Variants in KLHL4 observed in about 807,000 individuals in gnomAD.
KLHL4 encodes the protein kelch-like protein 4.
In KLHL4, 17 loss-of-function variants were observed where a neutral mutation model predicts 45.8. The observed-to-expected ratio is 0.37, with a 90% CI of 0.25 to 0.56. The LOEUF (loss-of-function observed/expected upper bound fraction) is 0.56, where lower values mean the gene tolerates loss of function less well. Ranked by LOEUF, KLHL4 falls within the 20% of genes least tolerant of loss-of-function variation. The pLI is 0.79. For missense variants in KLHL4, 544 were observed against 544.9 expected (o/e 1.00, Z 0.02); for synonymous variants, 224 against 189.9 (o/e 1.18, Z -1.47).
rs1052699828 is a variant in KLHL4, at chrX:87,669,098, C to G, written c.*2564C>G. 1.1e-6 allele frequency: 1 copy of G among 944,243 alleles called. No individual in the cohort carries two copies. The highest frequency in any genetic ancestry group is 2.0e-5 in the African/African-American group (1 of 49,327). 77.8% of individuals were successfully genotyped at this position (944,243 alleles called of 1,213,427 possible). On this transcript the variant is annotated 3_prime_UTR_variant, in exon 11 of 11. Transcript: ENST00000373119. ...TTCTGACATGCTTTAGCAGAGATAA[C>G]TTATCAGGGCTAGTTTAAACAAATG...
chrX:87,637,954 T>G (rs1268061869), intron 9 of KLHL4, among the ~76,000 whole-genome samples: 1 of 110,210 alleles, frequency 9.1e-6, no homozygotes, highest in Non-Finnish European at 1.9e-5. Flanking sequence ...ATTGAAAAAA[T>G]AAATAAATAA....
rs1229650015 is a variant in KLHL4 at position 87,609,027 on chromosome X, C to A, written c.423-4850C>A. Among the ~76,000 whole-genome samples the A allele has an allele frequency of 3.6e-5, 4 of 110,921 alleles. No homozygotes were observed. In the Admixed American group the frequency reaches 3.9e-4, roughly 11 times the overall value. On this transcript the variant is annotated intron_variant, in intron 1 of 10. Transcript: ENST00000373119. Reference sequence around the variant, plus strand: ...AACATGTGGTGTATGGTTTTTTGTCCTTGCAACAGTTTGCTGAGAATGATG... The same window carrying A: ...AACATGTGGTGTATGGTTTTTTGTCATTGCAACAGTTTGCTGAGAATGATG...
intron 1 of KLHL4, among the ~76,000 whole-genome samples, chrX:87,533,520 C>G (rs1410407800): frequency 1.1e-5 from 1 of 94,667 alleles, no homozygotes; most frequent in Non-Finnish European, 2.0e-5. Flanking sequence ...CACATGGTCA[C>G]AGGAAGGGGA....
intron 1 of KLHL4, among the ~76,000 whole-genome samples, chrX:87,555,003 T>G (rs1381727412): frequency 1.9e-5 from 2 of 105,070 alleles, no homozygotes; most frequent in Non-Finnish European, 3.9e-5. Context: ...TGGTTCTGTT[T>G]ATATGCTGGA....
intron 1 of KLHL4, among the ~76,000 whole-genome samples, chrX:87,588,519 A>C (rs913885894): frequency 2.7e-5 from 3 of 111,457 alleles, no homozygotes; most frequent in African/African-American, 9.8e-5. Context: ...CATTTTAGAC[A>C]AAGATGCCAC....
rs1924378611 is a variant in KLHL4, at chrX:87,666,630, T to C, written c.*96T>C. On this transcript the variant is annotated 3_prime_UTR_variant, in exon 11 of 11. Coordinates refer to ENST00000373119, the MANE Select transcript of KLHL4 (RefSeq NM_019117.5). ...GAAATACATGTTCTTTTTCCTGCAATTAATAATCAGACTGGAAAATTGTTG... is the reference window on the plus strand; with the variant it reads ...GAAATACATGTTCTTTTTCCTGCAACTAATAATCAGACTGGAAAATTGTTG... 9.9e-7 allele frequency: 1 copy of C among 1,012,072 alleles called. No homozygotes were observed. Among genetic ancestry groups the C allele is most frequent in the Non-Finnish European group, 1.3e-6 (1 of 789,321 alleles). The allele number at this position is 1,012,072 out of a possible 1,213,427, so 83.4% of individuals were successfully genotyped here.
intron 1 of KLHL4, among the ~76,000 whole-genome samples, chrX:87,523,586 T>C (rs1037619752): frequency 2.7e-5 from 3 of 111,609 alleles, no homozygotes; most frequent in African/African-American, 9.8e-5. Flanking sequence ...ACAATTTCAA[T>C]AGCAAAAGGA....
intron 1 of KLHL4, among the ~76,000 whole-genome samples, chrX:87,539,387 GTCT>G (rs1169805434): frequency 1.8e-5 from 2 of 109,913 alleles, no homozygotes; most frequent in African/African-American, 6.6e-5. Flanking sequence ...TTCCTTTAAT[GTCT>G]TCTTCTTATC....
At chrX:87,536,865 A>G (rs1193428278) in intron 1 of KLHL4, among the ~76,000 whole-genome samples, 1 of 111,641 alleles carries the variant, frequency 9.0e-6, no homozygotes, top group African/African-American at 3.2e-5. Flanking sequence ...TTAAGAAAGA[A>G]CTGTATAGGT....
intron 1 of KLHL4, among the ~76,000 whole-genome samples, chrX:87,582,238 G>C (rs1921304925): frequency 9.0e-6 from 1 of 111,469 alleles, no homozygotes; most frequent in African/African-American, 3.3e-5. Flanking sequence ...AATTAGGTGA[G>C]CACTCATGGT....
intron 1 of KLHL4, among the ~76,000 whole-genome samples, chrX:87,522,805 G>A (rs1931028461): frequency 8.9e-6 from 1 of 112,120 alleles, no homozygotes; most frequent in Non-Finnish European, 1.9e-5. Flanking sequence ...TTTTAGAGAT[G>A]AAAGCTTTGC....
At chrX:87,555,075 A>T (rs1185818190) in intron 1 of KLHL4, among the ~76,000 whole-genome samples, 3 of 97,199 alleles carry the variant, frequency 3.1e-5, no homozygotes, top group Non-Finnish European at 6.1e-5. Flanking sequence ...AGCCCCCTTG[A>T]TAATGGTGGA....
At chrX:87,556,223 G>A (rs757547748) in intron 1 of KLHL4, among the ~76,000 whole-genome samples, 8 of 110,846 alleles carry the variant, frequency 7.2e-5, no homozygotes, top group African/African-American at 9.8e-5. Context: ...ACATGCACAC[G>A]TATATTTATT....
intron 6 of KLHL4, among the ~76,000 whole-genome samples, chrX:87,629,466 T>A (rs1177536434): frequency 1.8e-5 from 2 of 110,704 alleles, no homozygotes; most frequent in African/African-American, 6.6e-5. Flanking sequence ...AGTTATGGGA[T>A]CATTTTATCT....
At chrX:87,630,066 A>G (rs1344959960) in intron 6 of KLHL4, among the ~76,000 whole-genome samples, 3 of 111,745 alleles carry the variant, frequency 2.7e-5, no homozygotes, top group Non-Finnish European at 5.6e-5. Flanking sequence ...ATCTTGGAAC[A>G]CAAATACTTG....
At chrX:87,526,576 A>G in intron 1 of KLHL4, among the ~76,000 whole-genome samples, 1 of 112,013 alleles carries the variant, frequency 8.9e-6, no homozygotes, top group East Asian at 2.8e-4. Flanking sequence ...TGTTTCATGG[A>G]GGTGACATAA....
intron 1 of KLHL4, among the ~76,000 whole-genome samples, chrX:87,579,804 A>C (rs1248325904): frequency 1.8e-5 from 2 of 112,090 alleles, no homozygotes; most frequent in Admixed American, 1.9e-4. Flanking sequence ...GTTCATCACC[A>C]CTGGATCTGC....
chrX:87,528,471 C>T (rs1931160543), intron 1 of KLHL4, among the ~76,000 whole-genome samples: 1 of 110,110 alleles, frequency 9.1e-6, no homozygotes. Flanking sequence ...AATCCCAGCA[C>T]TTTGGGAGGC....
At chrX:87,622,770 C>T (rs1283715308) in intron 5 of KLHL4, among the ~76,000 whole-genome samples, 1 of 110,322 alleles carries the variant, frequency 9.1e-6, no homozygotes, top group Non-Finnish European at 1.9e-5. Context: ...GTACAATAGC[C>T]TTCCAGAGGA....
Sources: allele counts gnomAD v4.1 joint callset (sites outside exome capture counted in the v4.1 genomes callset), GRCh38; gene constraint gnomAD v4.1.1; transcripts MANE v1.5; gene names NCBI Gene and HGNC (gene_info 2026-07-23, HGNC 2026-07-21).